LRRK1: variants seen among roughly 807,000 people sequenced by gnomAD.
LRRK1 encodes leucine-rich repeat serine/threonine-protein kinase 1.
LRRK1 carries 113 observed loss-of-function variants against 209.1 expected under a neutral mutation model. The observed-to-expected ratio is 0.54, with a 90% confidence interval of 0.46 to 0.63. The LOEUF is 0.63. Ranked by LOEUF, LRRK1 falls within the 30% of genes least tolerant of loss-of-function variation. LRRK1 has a pLI of 0.00. For synonymous variants in LRRK1, 1,144 were observed against 1,099.7 expected (o/e 1.04, Z -0.80); for missense variants, 2,284 against 2,632.2 (o/e 0.87, Z 2.89).
chr15:100,974,020 G>T, intron 3 of LRRK1, 53 bp downstream of exon 3: 1 of 1,225,120 alleles, frequency 8.2e-7, no homozygotes, highest in South Asian at 4.0e-5. Context: ...GCTGGACGAA[G>T]GGGACCGCTC....
intron 15 of LRRK1, among the ~76,000 whole-genome samples, chr15:101,023,935 C>T (rs563668907): frequency 6.6e-6 from 1 of 152,360 alleles, no homozygotes; most frequent in South Asian, 2.1e-4. Flanking sequence ...TTCTCTCCAG[C>T]TTTGCCTTTT....
chr15:101,038,158 G>A (rs2034573977), intron 20 of LRRK1, among the ~76,000 whole-genome samples: 1 of 152,126 alleles, frequency 6.6e-6, no homozygotes, highest in Admixed American at 6.5e-5. Context: ...TTATAATTGG[G>A]AGTTAAGCTA....
Position 101,077,695 on chromosome 15 carries a change from C to T in LRRK1, c.*8847C>T, listed in dbSNP as rs921579246. ...CTTAATCTCTCCCACTCTAGGTTCCCACGCCGCCCCGAATCCCGCTCGAAG... is the reference window on the plus strand; with the variant it reads ...CTTAATCTCTCCCACTCTAGGTTCCTACGCCGCCCCGAATCCCGCTCGAAG... On this transcript the variant is annotated 3_prime_UTR_variant, in exon 34 of 34. Transcript: ENST00000388948. 6.6e-6 allele frequency: 1 copy of T among 152,174 alleles called. No homozygotes were observed. Among genetic ancestry groups the T allele is most frequent in the African/African-American group, 2.4e-5 (1 of 41,436 alleles). 9.4% of individuals were successfully genotyped at this position (152,174 alleles called of 1,614,324 possible). A position where few individuals can be genotyped will look rare whatever the true frequency, so the allele number is the denominator to read the frequency against.
At position 101,022,500 on chromosome 15, in the gene LRRK1, T is replaced by A; in HGVS notation, c.1970T>A (p.Ile657Asn). Residue 657 changes from isoleucine (I) to asparagine (N), a missense_variant, in exon 15 of 34, where the codon ATC (isoleucine) becomes AAC (asparagine). Physicochemically the swap from Ile to Asn is moderately radical, Grantham distance 149. Transcript: ENST00000388948. The surrounding 1 kb of genome is among the most constrained non-coding windows in gnomAD (Gnocchi z 4.0). The stretch of plus-strand genomic sequence containing the variant: ...CAGGGCAAGTCCACCCTCCTGGAGA[T>A]CTTACAGACGGGGAGGGCCCCCCAG... ...PRQGKSTLLE[I>N]LQTGRAPQVV... 1 of 1,614,168 alleles carries A rather than the reference T, an allele frequency of 6.2e-7. No individual in the cohort carries two copies. Among genetic ancestry groups the A allele is most frequent in the Non-Finnish European group, 8.5e-7 (1 of 1,180,022 alleles).
chr15:101,056,388 G>A (rs955075423), intron 27 of LRRK1, among the ~76,000 whole-genome samples: 1 of 152,186 alleles, frequency 6.6e-6, no homozygotes, highest in African/African-American at 2.4e-5. Context: ...GTGACTAACA[G>A]CAAGTTCTCA....
chr15:100,971,829 G>T (rs2030904171), intron 2 of LRRK1, among the ~76,000 whole-genome samples: 1 of 151,974 alleles, frequency 6.6e-6, no homozygotes, highest in African/African-American at 2.4e-5. Flanking sequence ...CATTTTTCCA[G>T]TCTTTGCCTC....
At chr15:100,992,479 C>T (rs1215410362) in intron 6 of LRRK1, among the ~76,000 whole-genome samples, 1 of 152,100 alleles carries the variant, frequency 6.6e-6, no homozygotes, top group Non-Finnish European at 1.5e-5. Flanking sequence ...TGCTGTTGAA[C>T]AGTTTTACTT....
chr15:101,015,231 T>C, intron 11 of LRRK1, 95 bp from the exon 12 acceptor site: 2 of 948,858 alleles, frequency 2.1e-6, no homozygotes, highest in Non-Finnish European at 3.3e-6. Flanking sequence ...CATGAATTGC[T>C]CCCTATCTCC....
intron 16 of LRRK1, 40 bp from the exon 17 acceptor site, chr15:101,025,925 G>T: frequency 6.2e-7 from 1 of 1,609,348 alleles, no homozygotes; most frequent in South Asian, 1.1e-5. Flanking sequence ...CTTGTTCCAT[G>T]AACAGAGACA....
In LRRK1 at chr15:101,048,616, G is replaced by A; in HGVS notation, c.3258G>A (p.Trp1086Ter). The A allele has an allele frequency of 6.4e-7, 1 of 1,550,476 alleles. No homozygotes were observed. Among genetic ancestry groups the A allele is most frequent in the Admixed American group, 2.2e-5 (1 of 45,818 alleles). The change falls in exon 22 of 34, where the codon TGG (tryptophan) becomes TGA (stop). Residue 1086 changes from tryptophan (W) to a stop codon, truncating the protein, a stop_gained. Coordinates refer to ENST00000388948, the MANE Select transcript of LRRK1 (RefSeq NM_024652.6). LOFTEE classifies it high-confidence loss of function. Reference sequence around the variant, plus strand: ...TGAAAAGAAATCAGACCATCTATTGGCAGGAAGGGCTCCTGGTCACTTTTG... The same window carrying A: ...TGAAAAGAAATCAGACCATCTATTGACAGGAAGGGCTCCTGGTCACTTTTG... Reference protein sequence around the residue: ...FRVKRNQTIYWQEGLLVTFDG... With the variant: ...FRVKRNQTIY
intron 2 of LRRK1, among the ~76,000 whole-genome samples, chr15:100,960,316 A>G (rs1347310323): frequency 9.7e-6 from 1 of 103,102 alleles, no homozygotes; most frequent in African/African-American, 3.8e-5. Context: ...TTAAATGTGT[A>G]GAACTATTCT....
chr15:100,962,086 C>A (rs755718543), intron 2 of LRRK1, among the ~76,000 whole-genome samples: 1 of 152,116 alleles, frequency 6.6e-6, no homozygotes, highest in Non-Finnish European at 1.5e-5. Context: ...ATAGATAATA[C>A]CACTGAAGAA....
chr15:100,973,551 C>T (rs2035945179), intron 2 of LRRK1, among the ~76,000 whole-genome samples: 1 of 152,188 alleles, frequency 6.6e-6, no homozygotes, highest in Admixed American at 6.5e-5. Flanking sequence ...CCTGGAAGGG[C>T]TCCAGGTGGC....
intron 33 of LRRK1, 100 bp downstream of exon 33, chr15:101,066,841 C>A (rs1255642194): frequency 9.5e-7 from 1 of 1,051,556 alleles, no homozygotes; most frequent in Non-Finnish European, 1.4e-6. Flanking sequence ...CCCTTCCATT[C>A]TCCCAAATAG....
At chr15:101,034,837 G>A (rs2034432258) in intron 20 of LRRK1, among the ~76,000 whole-genome samples, 1 of 151,178 alleles carries the variant, frequency 6.6e-6, no homozygotes, top group Non-Finnish European at 1.5e-5. Flanking sequence ...ATATTTCTGG[G>A]AATTTGTCTG....
intron 2 of LRRK1, among the ~76,000 whole-genome samples, chr15:100,968,601 A>T (rs1346869637): frequency 6.6e-6 from 1 of 151,540 alleles, no homozygotes; most frequent in East Asian, 1.9e-4. Context: ...CTTTTTGAAT[A>T]TTTTTTTGCT....
chr15:101,043,862 TC>T (rs2034902294), intron 20 of LRRK1: 1 of 152,140 alleles, frequency 6.6e-6, no homozygotes, highest in Admixed American at 6.5e-5. Flanking sequence ...AGCAGGCATG[TC>T]CCAGGGCCTC....
chr15:101,047,454 G>A (rs984635606), intron 21 of LRRK1, among the ~76,000 whole-genome samples: 4 of 152,234 alleles, frequency 2.6e-5, no homozygotes, highest in South Asian at 2.1e-4. Flanking sequence ...CACTAGCATC[G>A]TGGGAGGCTG....
chr15:100,928,544 G>T (rs771918067), intron 2 of LRRK1, among the ~76,000 whole-genome samples: 9 of 152,146 alleles, frequency 5.9e-5, no homozygotes, highest in Non-Finnish European at 1.3e-4. Context: ...AATTATGTAG[G>T]GACAGCTTTC....
Sources: allele counts gnomAD v4.1 joint callset (sites outside exome capture counted in the v4.1 genomes callset), GRCh38; gene constraint gnomAD v4.1.1; non-coding constraint Gnocchi (gnomAD v3.1); transcripts MANE v1.5; gene names NCBI Gene and HGNC (gene_info 2026-07-23, HGNC 2026-07-21).